The following PRIM2 variants were observed in gnomAD, a reference collection of about 807,000 sequenced individuals.
PRIM2 encodes DNA primase subunit 2.
PRIM2 carries 39 observed loss-of-function variants against 67.3 expected under a neutral mutation model. The ratio of observed to expected loss-of-function variants is 0.58; its 90% CI spans 0.45 to 0.76. The LOEUF (loss-of-function observed/expected upper bound fraction) is 0.76. Among genes scored for constraint, PRIM2 ranks in the 30% least tolerant of loss-of-function variants. PRIM2 has a pLI of 0.00. For missense variants in PRIM2, 398 were observed against 598.7 expected (o/e 0.66, Z 3.50); for synonymous variants, 143 against 198.7 (o/e 0.72, Z 2.36).
intron 12 of PRIM2, among the ~76,000 whole-genome samples, chr6:57,614,013 G>A (rs1332899635): frequency 2.0e-5 from 3 of 151,980 alleles, no homozygotes; most frequent in Admixed American, 6.6e-5. Flanking sequence ...GTCTTCCAGG[G>A]CTGTTCATTA....
intron 7 of PRIM2, among the ~76,000 whole-genome samples, chr6:57,406,540 G>A (rs1250789371): frequency 1.3e-5 from 2 of 152,018 alleles, no homozygotes; most frequent in Admixed American, 1.3e-4. Context: ...AATTGGAGTG[G>A]TGCAGAAAAT....
At chr6:57,496,550 A>T (rs1774008676) in intron 7 of PRIM2, among the ~76,000 whole-genome samples, 2 of 152,238 alleles carry the variant, frequency 1.3e-5, no homozygotes, top group Non-Finnish European at 2.9e-5. Flanking sequence ...TTCCACATAA[A>T]AAGATTTTGT....
chr6:57,386,919 A>C (rs1770174613), intron 7 of PRIM2, among the ~76,000 whole-genome samples: 1 of 152,156 alleles, frequency 6.6e-6, no homozygotes, highest in East Asian at 1.9e-4. Context: ...GAAGTTGTAA[A>C]TTGATGAGAG....
chr6:57,412,527 T>A (rs562548579), intron 7 of PRIM2, among the ~76,000 whole-genome samples: 10 of 152,070 alleles, frequency 6.6e-5, no homozygotes, highest in Admixed American at 5.2e-4. Flanking sequence ...GAACGGCTTT[T>A]ATCTATACTA....
Position 57,382,080 on chromosome 6 carries a change from T to G in PRIM2, c.605T>G (p.Leu202Trp). 1 of 1,613,064 alleles carries G rather than the reference T, an allele frequency of 6.2e-7. No individual in the cohort carries two copies. Among genetic ancestry groups the G allele is most frequent in the Non-Finnish European group, 8.5e-7 (1 of 1,179,396 alleles). Reference sequence around the variant, plus strand: ...TTGTTTCGAGGAAGGAAAGTCTATTTGGAAGATGGCTTTGCTTACGTACCA... The same window carrying G: ...TTGTTTCGAGGAAGGAAAGTCTATTGGGAAGATGGCTTTGCTTACGTACCA... ...LDLFRGRKVY[L>W]EDGFAYVPLK... The change falls in exon 7 of 14, where the codon TTG (leucine) becomes TGG (tryptophan). Residue 202 changes from leucine (L) to tryptophan (W), a missense_variant. Leu to Trp is a moderately conservative substitution (Grantham distance 61). Transcript: ENST00000615550.
chr6:57,226,492 G>A, the PRIM2 span, among the ~76,000 whole-genome samples: 5 of 152,110 alleles, frequency 3.3e-5, no homozygotes, highest in African/African-American at 7.2e-5. Flanking sequence ...GGTGGAAAGC[G>A]GTATGTAAAA....
chr6:57,635,947 A>G (rs1384435018), intron 13 of PRIM2, among the ~76,000 whole-genome samples: 3 of 152,126 alleles, frequency 2.0e-5, no homozygotes, highest in African/African-American at 7.2e-5. Context: ...TTCTCTTAAG[A>G]TGAAATCTAA....
intron 7 of PRIM2, among the ~76,000 whole-genome samples, chr6:57,400,859 T>G (rs546140362): frequency 2.0e-5 from 3 of 152,340 alleles, no homozygotes; most frequent in African/African-American, 7.2e-5. Context: ...AGAGAGCCAG[T>G]CTTTAAGTTC....
intron 10 of PRIM2, among the ~76,000 whole-genome samples, chr6:57,545,510 A>G (rs1392910770): frequency 6.6e-6 from 1 of 152,146 alleles, no homozygotes; most frequent in Non-Finnish European, 1.5e-5. Context: ...AGCTCACCAC[A>G]ACCTCCACCT....
chr6:57,433,062 T>C (rs771117665), intron 7 of PRIM2, among the ~76,000 whole-genome samples: 2 of 152,194 alleles, frequency 1.3e-5, no homozygotes, highest in Admixed American at 6.5e-5. Context: ...AAAATTTTAT[T>C]GGAACACAGT....
chr6:57,373,695 A>T (rs1769644929), intron 5 of PRIM2, among the ~76,000 whole-genome samples: 2 of 152,186 alleles, frequency 1.3e-5, no homozygotes, highest in South Asian at 4.1e-4. Context: ...ACCATTTATT[A>T]TACAGGGAAA....
At chr6:57,335,312 C>A (rs1352733367) in intron 5 of PRIM2, among the ~76,000 whole-genome samples, 22 of 152,180 alleles carry the variant, frequency 1.4e-4, no homozygotes, top group Admixed American at 1.3e-3. Context: ...CCCAGGCTTG[C>A]TTAGGTAAAC....
intron 7 of PRIM2, among the ~76,000 whole-genome samples, chr6:57,385,047 A>G (rs941947660): frequency 2.5e-4 from 38 of 152,216 alleles, no homozygotes; most frequent in African/African-American, 8.9e-4. Context: ...AAGATATTCT[A>G]TGTATATTTG....
chr6:57,585,356 A>G (rs1189107328), intron 10 of PRIM2, among the ~76,000 whole-genome samples: 3 of 152,242 alleles, frequency 2.0e-5, no homozygotes, highest in African/African-American at 7.2e-5. Context: ...AAAGTGGTAA[A>G]AACAGATTTT....
chr6:57,541,775 C>CTT (rs1775159900), intron 10 of PRIM2, among the ~76,000 whole-genome samples: 1 of 152,036 alleles, frequency 6.6e-6, no homozygotes, highest in Non-Finnish European at 1.5e-5. Flanking sequence ...GGAGGTCAGG[C>CTT]TTTTTGTTCT....
the PRIM2 span, among the ~76,000 whole-genome samples, chr6:57,234,671 A>C: frequency 6.6e-6 from 1 of 152,026 alleles, no homozygotes; most frequent in African/African-American, 2.4e-5. Flanking sequence ...CTACAGGTGC[A>C]TACCACCATG....
intron 10 of PRIM2, among the ~76,000 whole-genome samples, chr6:57,573,601 T>C (rs1257642870): frequency 6.7e-4 from 102 of 152,290 alleles, no homozygotes; most frequent in African/African-American, 2.3e-3. Flanking sequence ...TAAAGATCAC[T>C]CATATAAGCT....
chr6:57,282,202 T>C, the PRIM2 span, among the ~76,000 whole-genome samples: 1 of 152,232 alleles, frequency 6.6e-6, no homozygotes, highest in Non-Finnish European at 1.5e-5. Flanking sequence ...GTATATTTCT[T>C]ATTATTTTGT....
chr6:57,304,048 A>G, the PRIM2 span, among the ~76,000 whole-genome samples: 1 of 152,224 alleles, frequency 6.6e-6, no homozygotes, highest in African/African-American at 2.4e-5. Context: ...TCAGCTAGCT[A>G]TCTATGCTTA....
Sources: allele counts gnomAD v4.1 joint callset (sites outside exome capture counted in the v4.1 genomes callset), GRCh38; gene constraint gnomAD v4.1.1; transcripts MANE v1.5; gene names NCBI Gene and HGNC (gene_info 2026-07-23, HGNC 2026-07-21).